The following KAZN variants were observed in gnomAD, a reference collection of about 807,000 sequenced individuals.
The protein encoded by KAZN is kazrin.
Under a neutral mutation model 87.4 loss-of-function variants are expected in KAZN, and 40 were observed. The observed-to-expected ratio is 0.46, with a 90% confidence interval of 0.36 to 0.60. The LOEUF (loss-of-function observed/expected upper bound fraction) is 0.60, where lower values mean the gene tolerates loss of function less well. Among genes scored for constraint, KAZN ranks in the 20% least tolerant of loss-of-function variants. The pLI, the probability that KAZN is intolerant of heterozygous loss-of-function variation, is 0.00. For synonymous variants in KAZN, 466 were observed against 458.3 expected, an observed-to-expected ratio of 1.02 and a Z score of -0.22; for missense variants, 898 against 1,073.9, an observed-to-expected ratio of 0.84 and a Z score of 2.29.
chr1:14,009,572 C>A (rs1030461379), intron 1 of KAZN, among the ~76,000 whole-genome samples: 5 of 152,114 alleles, frequency 3.3e-5, no homozygotes, highest in Non-Finnish European at 5.9e-5. Flanking sequence ...ATTTTTAATT[C>A]CCATTTTATA....
chr1:14,880,362 T>C (rs559984060), intron 1 of KAZN, among the ~76,000 whole-genome samples: 25 of 152,280 alleles, frequency 1.6e-4, no homozygotes, highest in African/African-American at 5.8e-4. Context: ...TAGTAATTAG[T>C]GGAGCTAGGA....
intron 3 of KAZN, among the ~76,000 whole-genome samples, chr1:15,035,585 C>T (rs1672179384): frequency 6.6e-6 from 1 of 152,194 alleles, no homozygotes; most frequent in Non-Finnish European, 1.5e-5. Context: ...CGGTGGCTCA[C>T]ACCTGTAATC....
intron 1 of KAZN, among the ~76,000 whole-genome samples, chr1:14,789,160 C>T (rs1402107889): frequency 6.6e-6 from 1 of 152,196 alleles, no homozygotes; most frequent in Non-Finnish European, 1.5e-5. Flanking sequence ...AGGGGGCCTA[C>T]TCAGGCTGAG....
chr1:15,026,420 AG>A (rs1194677740), intron 2 of KAZN, among the ~76,000 whole-genome samples: 1 of 152,228 alleles, frequency 6.6e-6, no homozygotes, highest in African/African-American at 2.4e-5. Flanking sequence ...CAAGTGACAA[AG>A]GTGAGGTCTG....
chr1:14,251,597 G>C (rs1347958405), intron 2 of KAZN, among the ~76,000 whole-genome samples: 3 of 150,982 alleles, frequency 2.0e-5, no homozygotes, highest in Non-Finnish European at 4.4e-5. Context: ...AGTTGTCACT[G>C]GGGTAGGTCC....
chr1:14,416,007 G>A (rs1222370505), intron 2 of KAZN, among the ~76,000 whole-genome samples: 1 of 152,190 alleles, frequency 6.6e-6, no homozygotes, highest in Non-Finnish European at 1.5e-5. Context: ...GCAGGAGATG[G>A]AAAATGCAGC....
intron 1 of KAZN, among the ~76,000 whole-genome samples, chr1:14,847,792 G>A (rs1648959266): frequency 6.6e-6 from 1 of 152,236 alleles, no homozygotes; most frequent in East Asian, 1.9e-4. Context: ...ATCAGCCTGG[G>A]CAAAATTTTG....
chr1:14,135,958 A>T (rs1490153497), intron 1 of KAZN, among the ~76,000 whole-genome samples: 1 of 152,198 alleles, frequency 6.6e-6, no homozygotes, highest in Non-Finnish European at 1.5e-5. Context: ...CCCATCAGAA[A>T]GCCCCCACTT....
At chr1:14,864,608 A>G (rs1043032222) in intron 1 of KAZN, among the ~76,000 whole-genome samples, 1 of 152,126 alleles carries the variant, frequency 6.6e-6, no homozygotes, top group Admixed American at 6.6e-5. Flanking sequence ...GTGGGTATAA[A>G]GGTGGGACGG....
At chr1:14,630,115 G>T (rs1365572384) in intron 1 of KAZN, among the ~76,000 whole-genome samples, 2 of 152,164 alleles carry the variant, frequency 1.3e-5, no homozygotes, top group Non-Finnish European at 2.9e-5. Context: ...CCTAAAATCT[G>T]TGGGCTCTAT....
intron 1 of KAZN, among the ~76,000 whole-genome samples, chr1:14,006,862 G>A (rs574676411): frequency 3.9e-5 from 6 of 152,084 alleles, no homozygotes; most frequent in African/African-American, 1.4e-4. Flanking sequence ...TTCTGTTTCT[G>A]TGAAAAATGC....
At chr1:14,168,005 G>A (rs7529180) in intron 1 of KAZN, among the ~76,000 whole-genome samples, 15,916 of 152,160 alleles carry the variant, frequency 0.1, 1,017 homozygotes, top group East Asian at 0.33. Context: ...TGGCAAGCAC[G>A]TCCCATCAGG....
intron 2 of KAZN, among the ~76,000 whole-genome samples, chr1:14,492,729 C>CACAG (rs2148411823): frequency 1.3e-4 from 2 of 15,336 alleles, no homozygotes; most frequent in Non-Finnish European, 1.4e-4. Context: ...CCACACACAC[C>CACAG]ACATACAGCA....
chr1:14,958,390 A>AAG (rs1196410784), intron 1 of KAZN, among the ~76,000 whole-genome samples: 7 of 102,418 alleles, frequency 6.8e-5, no homozygotes, highest in African/African-American at 1.2e-4. Context: ...ATATACATGG[A>AAG]GCACTTCCTG....
At chr1:14,214,138 A>G (rs1197851107) in intron 2 of KAZN, among the ~76,000 whole-genome samples, 3 of 152,242 alleles carry the variant, frequency 2.0e-5, no homozygotes, top group Non-Finnish European at 4.4e-5. Flanking sequence ...TGTATAATTG[A>G]TTTTTAAAAT....
At chr1:13,964,667 G>T (rs1163103893) in intron 1 of KAZN, among the ~76,000 whole-genome samples, 1 of 152,190 alleles carries the variant, frequency 6.6e-6, no homozygotes, top group Non-Finnish European at 1.5e-5. Context: ...CAGCCTTCTT[G>T]AGGCCTCTAC....
At chr1:14,487,626 G>A (rs895176299) in intron 2 of KAZN, among the ~76,000 whole-genome samples, 2 of 152,236 alleles carry the variant, frequency 1.3e-5, no homozygotes, top group African/African-American at 4.8e-5. Flanking sequence ...TTTTAAAAGT[G>A]GAGGAAAGGA....
At chr1:14,295,913 G>A (rs1654076912) in intron 2 of KAZN, among the ~76,000 whole-genome samples, 1 of 152,116 alleles carries the variant, frequency 6.6e-6, no homozygotes, top group African/African-American at 2.4e-5. Flanking sequence ...CCATGCATAG[G>A]AACTACATTG....
At chr1:14,418,870 T>C (rs905391734) in intron 2 of KAZN, among the ~76,000 whole-genome samples, 4 of 152,186 alleles carry the variant, frequency 2.6e-5, no homozygotes, top group African/African-American at 4.8e-5. Flanking sequence ...CTTGTGTGTG[T>C]GCAAATGAAA....
Sources: gnomAD v4.1 joint callset for allele counts (sites outside exome capture counted in the v4.1 genomes callset) on GRCh38, gnomAD v4.1.1 for gene constraint, MANE v1.5 for transcripts, NCBI Gene and HGNC (gene_info 2026-07-23, HGNC 2026-07-21) for gene names.